Variants in BMPR1B observed in about 807,000 individuals in gnomAD.
BMPR1B encodes bone morphogenetic protein receptor type 1B.
A neutral mutation model predicts 59.1 loss-of-function variants in BMPR1B; 12 were observed. That is an observed-to-expected ratio of 0.20 (90% confidence interval 0.13 to 0.33). BMPR1B has a LOEUF of 0.33. BMPR1B is among the 10% of genes least tolerant of loss of function. The probability of loss-of-function intolerance (pLI) is 1.00; values close to 1 mark genes in which losing one functional copy is unlikely to be tolerated. For synonymous variants in BMPR1B, 237 were observed against 207.3 expected, an observed-to-expected ratio of 1.14 and a Z score of -1.23; for missense variants, 550 against 610.9, an observed-to-expected ratio of 0.90 and a Z score of 1.05.
Position 94,990,761 on chromosome 4 carries a change from G to A in BMPR1B, c.-112-5279G>A, listed in dbSNP as rs545723556. 8.5e-5 allele frequency among the ~76,000 whole-genome samples: 13 copies of A among 152,244 alleles called. No individual in the cohort carries two copies. The South Asian group carries it at 1.2e-3, about 15-fold the overall frequency. On this transcript the variant is annotated intron_variant, in intron 2 of 12. Coordinates refer to ENST00000515059, the MANE Select transcript of BMPR1B (RefSeq NM_001203.3). ...CACAGCATGCAGGTTAGTTACATAT[G>A]TATACATGTGCCATGTTGGTGTGCT...
At chr4:94,770,785 A>G (rs2110570978) in intron 1 of BMPR1B, among the ~76,000 whole-genome samples, 2 of 150,816 alleles carry the variant, frequency 1.3e-5, no homozygotes, top group East Asian at 3.9e-4. Context: ...TTGTGGTAGT[A>G]CCTTGTCAAG....
At chr4:95,128,043 A>T (rs1396792568) in intron 8 of BMPR1B, among the ~76,000 whole-genome samples, 2 of 151,762 alleles carry the variant, frequency 1.3e-5, no homozygotes, top group Non-Finnish European at 2.9e-5. Flanking sequence ...GTGCTACCAC[A>T]CCTGGCTAAT....
rs1184245481 is a variant in BMPR1B at position 95,155,061 on chromosome 4, A to G, written c.*388A>G. On this transcript the variant is annotated 3_prime_UTR_variant, in exon 13 of 13. Transcript: ENST00000515059. The stretch of plus-strand genomic sequence containing the variant: ...TTATAGTTTAAATAATAACAACAAA[A>G]TTCTTCCCAGGAACTCTGCTGGAAG... The G allele has an allele frequency of 5.4e-6, 1 of 183,964 alleles. No homozygotes were observed. Among genetic ancestry groups the G allele is most frequent in the Non-Finnish European group, 1.2e-5 (1 of 86,730 alleles). The allele number at this position is 183,964 out of a possible 1,614,324, so 11.4% of individuals were successfully genotyped here.
intron 3 of BMPR1B, among the ~76,000 whole-genome samples, chr4:95,075,869 C>G (rs1488537917): frequency 6.6e-6 from 1 of 152,080 alleles, no homozygotes; most frequent in Non-Finnish European, 1.5e-5. Context: ...CCCTTCCATC[C>G]AGCCACTCTC....
chr4:95,083,575 A>G (rs561484379), intron 3 of BMPR1B, among the ~76,000 whole-genome samples: 1 of 152,320 alleles, frequency 6.6e-6, no homozygotes, highest in South Asian at 2.1e-4. Context: ...TTGGAACAGG[A>G]AAGTGCTTAT....
intron 3 of BMPR1B, among the ~76,000 whole-genome samples, chr4:95,000,020 A>G (rs760844990): frequency 7.2e-5 from 11 of 152,128 alleles, no homozygotes; most frequent in Non-Finnish European, 1.6e-4. Flanking sequence ...CTTTAATTGT[A>G]TTTTATTTGC....
At chr4:94,900,766 T>C (rs1229721620) in intron 2 of BMPR1B, among the ~76,000 whole-genome samples, 1 of 151,978 alleles carries the variant, frequency 6.6e-6, no homozygotes, top group Non-Finnish European at 1.5e-5. Flanking sequence ...ATGGCAAATC[T>C]TGGGAACCCA....
At chr4:95,030,408 T>G (rs866141260) in intron 3 of BMPR1B, among the ~76,000 whole-genome samples, 3 of 152,272 alleles carry the variant, frequency 2.0e-5, no homozygotes, top group African/African-American at 7.2e-5. Context: ...CTCAGGTTTG[T>G]CAAAGATCAG....
intron 3 of BMPR1B, among the ~76,000 whole-genome samples, chr4:95,095,045 AT>A (rs879552796): frequency 1.4e-3 from 219 of 151,136 alleles, no homozygotes; most frequent in South Asian, 1.7e-3. Context: ...TATATATATA[AT>A]TTTTTTTTCC....
At chr4:94,860,007 T>A (rs1337021427) in intron 1 of BMPR1B, among the ~76,000 whole-genome samples, 1 of 152,120 alleles carries the variant, frequency 6.6e-6, no homozygotes, top group Non-Finnish European at 1.5e-5. Context: ...ACTTGTCCAT[T>A]TGATTAGAAA....
At chr4:94,979,117 G>C (rs1450431983) in intron 2 of BMPR1B, among the ~76,000 whole-genome samples, 1 of 152,100 alleles carries the variant, frequency 6.6e-6, no homozygotes, top group Non-Finnish European at 1.5e-5. Context: ...CCACCCCTAT[G>C]ATTCAGTTAC....
At chr4:95,070,982 G>T (rs11930220) in intron 3 of BMPR1B, among the ~76,000 whole-genome samples, 1 of 151,868 alleles carries the variant, frequency 6.6e-6, no homozygotes, top group Non-Finnish European at 1.5e-5. Context: ...TCTTCCTTTA[G>T]TCACCAGAAA....
chr4:94,830,880 T>G (rs1382963427), intron 1 of BMPR1B, among the ~76,000 whole-genome samples: 1 of 152,182 alleles, frequency 6.6e-6, no homozygotes, highest in African/African-American at 2.4e-5. Context: ...CATACAAAAG[T>G]ATAGCACAAT....
chr4:94,871,397 A>G (rs967293783), intron 1 of BMPR1B, among the ~76,000 whole-genome samples: 1 of 152,180 alleles, frequency 6.6e-6, no homozygotes, highest in African/African-American at 2.4e-5. Flanking sequence ...GCATTTCATA[A>G]TTTTATATAT....
intron 1 of BMPR1B, among the ~76,000 whole-genome samples, chr4:94,771,281 G>A (rs1171539576): frequency 1.3e-5 from 2 of 152,162 alleles, no homozygotes; most frequent in Non-Finnish European, 2.9e-5. Flanking sequence ...TTCAGCCAGT[G>A]GTAGTGCTGG....
At position 94,878,828 on chromosome 4, in the gene BMPR1B, A is replaced by G. The variant is rs556695444; in HGVS notation, c.-113+2928A>G. Among the ~76,000 whole-genome samples the G allele has an allele frequency of 8.3e-5, 11 of 133,300 alleles. No individual in the cohort carries two copies. The East Asian group carries it at 1.7e-3, about 21-fold the overall frequency. The allele number at this position is 133,300 out of a possible 152,430, so 87.4% of individuals were successfully genotyped here. A position where few individuals can be genotyped will look rare whatever the true frequency, so the allele number is the denominator to read the frequency against. On this transcript the variant is annotated intron_variant, in intron 2 of 12. Coordinates refer to ENST00000515059, the MANE Select transcript of BMPR1B (RefSeq NM_001203.3). ...AGTTCATGTGTTTTCTAGTTTGTCT[A>G]TTACAGTTTTAGTTTATTACTAATT...
chr4:94,904,516 A>G (rs902802698), intron 2 of BMPR1B, among the ~76,000 whole-genome samples: 1 of 152,056 alleles, frequency 6.6e-6, no homozygotes, highest in South Asian at 2.1e-4. Flanking sequence ...CTTTTGCAGT[A>G]ATGAGCTGTG....
chr4:94,786,949 T>G (rs902384195), intron 1 of BMPR1B, among the ~76,000 whole-genome samples: 1 of 152,098 alleles, frequency 6.6e-6, no homozygotes, highest in Admixed American at 6.6e-5. Flanking sequence ...TCAGTGTGCC[T>G]AAGTGCTGGG....
intron 1 of BMPR1B, among the ~76,000 whole-genome samples, chr4:94,871,889 C>T (rs1385835708): frequency 2.6e-5 from 4 of 151,948 alleles, no homozygotes; most frequent in South Asian, 4.2e-4. Context: ...CTAGAATGCT[C>T]GAAAAATTTT....
Sources: gnomAD v4.1 joint callset for allele counts (sites outside exome capture counted in the v4.1 genomes callset) on GRCh38, gnomAD v4.1.1 for gene constraint, MANE v1.5 for transcripts, NCBI Gene and HGNC (gene_info 2026-07-23, HGNC 2026-07-21) for gene names.